USP48: variants seen among roughly 807,000 people sequenced by gnomAD.
USP48 encodes the protein ubiquitin specific peptidase 48.
A neutral mutation model predicts 150.7 loss-of-function variants in USP48; 43 were observed. The ratio of observed to expected loss-of-function variants is 0.29; its 90% CI spans 0.22 to 0.37. The LOEUF (loss-of-function observed/expected upper bound fraction) is 0.37. Ranked by LOEUF, USP48 falls within the 10% of genes least tolerant of loss-of-function variation. The probability of loss-of-function intolerance (pLI) is 1.00; values close to 1 mark genes in which losing one functional copy is unlikely to be tolerated. For synonymous variants in USP48, 396 were observed against 425.9 expected (o/e 0.93, Z 0.86); for missense variants, 813 against 1,249.6 (o/e 0.65, Z 5.27).
intron 1 of USP48, among the ~76,000 whole-genome samples, chr1:21,773,277 AAG>A (rs1463848467): frequency 6.6e-6 from 1 of 151,764 alleles, no homozygotes; most frequent in Non-Finnish European, 1.5e-5. Flanking sequence ...AAAAAAAAGA[AAG>A]AAATATTCAA....
rs760888264 is a variant in USP48 at position 21,685,288 on chromosome 1, AT to A, written c.3058+1902del. Among the ~76,000 whole-genome samples, 8 of 133,210 alleles carry A rather than the reference AT, an allele frequency of 6.0e-5. No individual in the cohort carries two copies. The South Asian group carries it at 7.2e-4, about 12-fold the overall frequency. The allele number at this position is 133,210 out of a possible 152,430, so 87.4% of individuals were successfully genotyped here. A position where few individuals can be genotyped will look rare whatever the true frequency, so the allele number is the denominator to read the frequency against. ...AATTTATTCCTAAGTATTTAATCTT[AT>A]TTTTTTTTGTAGCTATTATTATTGG... is the stretch of plus-strand genomic sequence containing the variant. On this transcript the variant is annotated intron_variant, in intron 25 of 26. Transcript: ENST00000308271.
At chr1:21,776,856 A>T (rs1297070348) in intron 1 of USP48, among the ~76,000 whole-genome samples, 1 of 152,056 alleles carries the variant, frequency 6.6e-6, no homozygotes, top group Non-Finnish European at 1.5e-5. Flanking sequence ...CTGAGGTAGG[A>T]GAACTGCTTG....
intron 14 of USP48, among the ~76,000 whole-genome samples, chr1:21,719,499 C>G (rs2097713873): frequency 1.3e-5 from 2 of 151,746 alleles, no homozygotes; most frequent in Non-Finnish European, 1.5e-5. Flanking sequence ...CCTATAATCC[C>G]AGCACTTTGG....
At chr1:21,736,346 T>A in intron 9 of USP48, 100 bp downstream of exon 9, 1 of 1,188,588 alleles carries the variant, frequency 8.4e-7, no homozygotes, top group Non-Finnish European at 1.2e-6. Context: ...TCCTTGATAG[T>A]CTGTAACATA....
chr1:21,699,675 G>A (rs891245889), intron 22 of USP48, among the ~76,000 whole-genome samples: 5 of 151,542 alleles, frequency 3.3e-5, no homozygotes, highest in South Asian at 2.1e-4. Flanking sequence ...CACCACGCCC[G>A]GCTAATTTTT....
At chr1:21,734,373 T>C (rs779235847) in intron 9 of USP48, among the ~76,000 whole-genome samples, 7 of 152,006 alleles carry the variant, frequency 4.6e-5, no homozygotes, top group Non-Finnish European at 1.0e-4. Context: ...TACTCCAGCC[T>C]GGGCAACAGA....
intron 12 of USP48, among the ~76,000 whole-genome samples, chr1:21,723,595 G>C (rs2097728069): frequency 6.6e-6 from 1 of 151,374 alleles, no homozygotes; most frequent in African/African-American, 2.4e-5. Flanking sequence ...ACCTTAAACA[G>C]TATTACACAG....
intron 21 of USP48, among the ~76,000 whole-genome samples, 174 bp downstream of exon 21, chr1:21,703,338 A>G (rs888422603): frequency 6.6e-6 from 1 of 152,238 alleles, no homozygotes; most frequent in East Asian, 1.9e-4. Context: ...AAATTCTCAT[A>G]TAATCACATA....
chr1:21,726,887 T>C (rs1362671845), intron 11 of USP48, among the ~76,000 whole-genome samples: 1 of 152,070 alleles, frequency 6.6e-6, no homozygotes, highest in African/African-American at 2.4e-5. Context: ...ACCTCAGCAT[T>C]TGATGAGGAA....
At chr1:21,780,964 A>G (rs888328991) in intron 1 of USP48, among the ~76,000 whole-genome samples, 1 of 147,416 alleles carries the variant, frequency 6.8e-6, no homozygotes, top group Non-Finnish European at 1.5e-5. Flanking sequence ...CTGGTCTCGA[A>G]CTCCTGACCT....
chr1:21,738,593 A>G (rs1194616988), intron 8 of USP48, among the ~76,000 whole-genome samples: 2 of 137,316 alleles, frequency 1.5e-5, no homozygotes, highest in South Asian at 2.3e-4. Context: ...GCAGGCCTCA[A>G]GTGGTCCATC....
At chr1:21,738,360 T>TG (rs1239985567) in intron 8 of USP48, among the ~76,000 whole-genome samples, 2 of 143,398 alleles carry the variant, frequency 1.4e-5, no homozygotes, top group African/African-American at 5.2e-5. Context: ...GCCTGGCCTT[T>TG]TTTTTTTTTT....
At chr1:21,769,788 G>A (rs575686154) in intron 1 of USP48, among the ~76,000 whole-genome samples, 3 of 152,144 alleles carry the variant, frequency 2.0e-5, no homozygotes, top group African/African-American at 7.2e-5. Flanking sequence ...GAAGTGGAAG[G>A]ACCACTTAGA....
intron 24 of USP48, among the ~76,000 whole-genome samples, chr1:21,688,474 C>T (rs2097585598): frequency 1.3e-5 from 2 of 151,740 alleles, no homozygotes; most frequent in African/African-American, 4.8e-5. Flanking sequence ...CCACCTCAAC[C>T]TCCCAAAGTG....
intron 24 of USP48, among the ~76,000 whole-genome samples, chr1:21,687,681 G>A (rs1385819864): frequency 1.3e-5 from 2 of 152,172 alleles, no homozygotes; most frequent in Non-Finnish European, 2.9e-5. Context: ...GCAAGAACAA[G>A]ATACCCATTT....
intron 1 of USP48, among the ~76,000 whole-genome samples, chr1:21,766,253 A>C (rs1388431762): frequency 6.6e-6 from 1 of 151,898 alleles, no homozygotes; most frequent in Non-Finnish European, 1.5e-5. Flanking sequence ...AATGCTTGTA[A>C]TCCCAGCTAC....
intron 21 of USP48, among the ~76,000 whole-genome samples, chr1:21,702,046 T>C (rs1027831865): frequency 3.3e-5 from 5 of 152,334 alleles, no homozygotes; most frequent in Admixed American, 1.3e-4. Flanking sequence ...GCAAACACTA[T>C]GAAATACTCT....
chr1:21,758,822 C>A (rs911854495), intron 1 of USP48, among the ~76,000 whole-genome samples: 3 of 151,916 alleles, frequency 2.0e-5, no homozygotes, highest in Non-Finnish European at 4.4e-5. Context: ...ATATAATGAA[C>A]AATTTGGGAC....
chr1:21,723,854 T>G, intron 12 of USP48, 44 bp downstream of exon 12: 1 of 1,550,178 alleles, frequency 6.5e-7, no homozygotes, highest in South Asian at 1.2e-5. Flanking sequence ...GATGAAGATT[T>G]AATGAGCTGC....
Sources: allele counts gnomAD v4.1 joint callset (sites outside exome capture counted in the v4.1 genomes callset), GRCh38; gene constraint gnomAD v4.1.1; transcripts MANE v1.5; gene names NCBI Gene and HGNC (gene_info 2026-07-23, HGNC 2026-07-21).